The following KCNMA1 variants were observed in gnomAD, a reference collection of about 807,000 sequenced individuals.
KCNMA1 encodes Calcium-activated potassium channel subunit alpha-1.
In KCNMA1, 29 loss-of-function variants were observed where a neutral mutation model predicts 140.0. The ratio of observed to expected loss-of-function variants is 0.21; its 90% CI spans 0.15 to 0.28. KCNMA1 has a LOEUF of 0.28. Among genes scored for constraint, KCNMA1 ranks in the 10% least tolerant of loss-of-function variants. The pLI, the probability that KCNMA1 is intolerant of heterozygous loss-of-function variation, is 1.00. For synonymous variants in KCNMA1, 612 were observed against 611.9 expected, an observed-to-expected ratio of 1.00 and a Z score of 0.00; for missense variants, 880 against 1,602.2, an observed-to-expected ratio of 0.55 and a Z score of 7.70.
chr10:77,313,311 G>C (rs1417321420), intron 2 of KCNMA1, among the ~76,000 whole-genome samples: 1 of 152,200 alleles, frequency 6.6e-6, no homozygotes, highest in Non-Finnish European at 1.5e-5. Context: ...GTCTGCGGAA[G>C]AAAGGAATCA....
intron 2 of KCNMA1, among the ~76,000 whole-genome samples, chr10:77,252,705 A>C (rs1412755684): frequency 6.6e-6 from 1 of 152,134 alleles, no homozygotes; most frequent in Non-Finnish European, 1.5e-5. Context: ...AAAGCATTGC[A>C]AAACTGCATG....
At chr10:76,993,917 GC>G (rs554443211) in intron 19 of KCNMA1, among the ~76,000 whole-genome samples, 3 of 152,270 alleles carry the variant, frequency 2.0e-5, no homozygotes, top group East Asian at 3.9e-4. Context: ...TGTGCAGGAG[GC>G]CCCCCCAGGA....
intron 3 of KCNMA1, among the ~76,000 whole-genome samples, chr10:77,200,294 T>A (rs1316672602): frequency 6.6e-6 from 1 of 152,156 alleles, no homozygotes; most frequent in Admixed American, 6.5e-5. Flanking sequence ...TTATCTTGTC[T>A]TGTAGCAAGT....
chr10:77,181,413 C>A (rs2098801467), intron 5 of KCNMA1, among the ~76,000 whole-genome samples: 1 of 152,166 alleles, frequency 6.6e-6, no homozygotes, highest in Non-Finnish European at 1.5e-5. Context: ...ATAATTTTGA[C>A]TCAGGGGTGC....
chr10:76,966,841 C>T (rs1026788196), intron 20 of KCNMA1, among the ~76,000 whole-genome samples: 4 of 152,132 alleles, frequency 2.6e-5, no homozygotes, highest in Admixed American at 1.3e-4. Context: ...CAGCCTGGGG[C>T]CCAGACACTC....
intron 1 of KCNMA1, among the ~76,000 whole-genome samples, chr10:77,545,667 G>T (rs1431991207): frequency 6.6e-6 from 1 of 152,188 alleles, no homozygotes; most frequent in African/African-American, 2.4e-5. Context: ...TCCTGGCAGG[G>T]TCATGTTCCA....
intron 14 of KCNMA1, among the ~76,000 whole-genome samples, chr10:77,056,081 C>T (rs921524976): frequency 3.9e-5 from 6 of 152,126 alleles, no homozygotes; most frequent in African/African-American, 1.4e-4. Context: ...AACCTGTAGC[C>T]TAAAATCAAG....
Position 76,952,119 on chromosome 10 carries a change from A to G in KCNMA1, c.2484+1682T>C, listed in dbSNP as rs201985454. On this transcript the variant is annotated intron_variant, in intron 21 of 27. Transcript: ENST00000286628. ...TACTACACCAATATCCAGGCAAGTC[A>G]TTAAAACCCTAGGTCCCAGATACGG... 198 of 1,552,096 alleles carry G rather than the reference A, an allele frequency of 1.3e-4. No individual in the cohort carries two copies. The highest frequency in any genetic ancestry group is 2.7e-4 in the South Asian group (23 of 84,062).
chr10:77,293,792 T>C (rs1288625697), intron 2 of KCNMA1, among the ~76,000 whole-genome samples: 1 of 152,170 alleles, frequency 6.6e-6, no homozygotes, highest in Non-Finnish European at 1.5e-5. Flanking sequence ...AAGAAGGAAA[T>C]AGAAATGCAG....
At chr10:77,551,603 G>A (rs2062862229) in intron 1 of KCNMA1, among the ~76,000 whole-genome samples, 1 of 152,180 alleles carries the variant, frequency 6.6e-6, no homozygotes, top group South Asian at 2.1e-4. Flanking sequence ...CCTGCCTAGG[G>A]CCTGGAAAAA....
intron 1 of KCNMA1, among the ~76,000 whole-genome samples, chr10:77,485,207 T>A (rs1286922495): frequency 1.3e-5 from 2 of 152,228 alleles, no homozygotes; most frequent in African/African-American, 4.8e-5. Flanking sequence ...TGTATGCCCA[T>A]CATGCACCAT....
At chr10:76,909,206 C>T (rs550866853) in intron 25 of KCNMA1, among the ~76,000 whole-genome samples, 94 of 152,232 alleles carry the variant, frequency 6.2e-4, no homozygotes, top group Admixed American at 1.6e-3. Context: ...TCTGCTCATG[C>T]TCAATCTTTT....
At chr10:77,150,650 C>T (rs557806194) in intron 5 of KCNMA1, among the ~76,000 whole-genome samples, 1 of 152,326 alleles carries the variant, frequency 6.6e-6, no homozygotes, top group African/African-American at 2.4e-5. Flanking sequence ...GAGCATAGCC[C>T]ACATGGCAGA....
intron 3 of KCNMA1, among the ~76,000 whole-genome samples, chr10:77,185,645 C>T (rs927861734): frequency 4.9e-5 from 7 of 143,978 alleles, no homozygotes; most frequent in African/African-American, 1.8e-4. Context: ...GTGTGTGTGT[C>T]GAGCAGCCAA....
intron 5 of KCNMA1, among the ~76,000 whole-genome samples, chr10:77,182,186 T>C (rs556308907): frequency 4.7e-4 from 72 of 152,296 alleles, no homozygotes; most frequent in African/African-American, 1.6e-3. Flanking sequence ...GAACTATTGA[T>C]AGAATTAGAA....
At chr10:77,318,101 T>C (rs1375701425) in intron 2 of KCNMA1, among the ~76,000 whole-genome samples, 3 of 152,158 alleles carry the variant, frequency 2.0e-5, no homozygotes, top group Non-Finnish European at 2.9e-5. Context: ...GTAATTACCA[T>C]AGGCTCAGTG....
At chr10:76,977,578 T>A (rs1283921563) in intron 19 of KCNMA1, 3 of 702,918 alleles carry the variant, frequency 4.3e-6, no homozygotes, top group Non-Finnish European at 5.2e-6. Context: ...CCTGCAGTAG[T>A]TTAATCTTCT....
intron 1 of KCNMA1, among the ~76,000 whole-genome samples, chr10:77,515,701 T>A (rs2050144848): frequency 6.6e-6 from 1 of 152,166 alleles, no homozygotes; most frequent in African/African-American, 2.4e-5. Context: ...ACCCCTCGGC[T>A]TTCAGTGTCT....
At chr10:77,091,259 T>A (rs2096808422) in intron 9 of KCNMA1, 1 of 152,420 alleles carries the variant, frequency 6.6e-6, no homozygotes, top group South Asian at 2.1e-4. Context: ...TACCTCAAGA[T>A]GGGGAGATGC....
Sources: gnomAD v4.1 joint callset for allele counts (sites outside exome capture counted in the v4.1 genomes callset) on GRCh38, gnomAD v4.1.1 for gene constraint, MANE v1.5 for transcripts, NCBI Gene and HGNC (gene_info 2026-07-23, HGNC 2026-07-21) for gene names.